The following DPF3 variants were observed in gnomAD, a reference collection of about 807,000 sequenced individuals.
The protein encoded by DPF3 is zinc finger protein DPF3.
DPF3 carries 18 observed loss-of-function variants against 56.8 expected under a neutral mutation model. The ratio of observed to expected loss-of-function variants is 0.32; its 90% CI spans 0.22 to 0.47. DPF3 has a LOEUF of 0.47. Ranked by LOEUF, DPF3 falls within the 20% of genes least tolerant of loss-of-function variation. DPF3 has a pLI of 1.00. For missense variants in DPF3, 403 were observed against 488.8 expected (o/e 0.82, Z 1.65); for synonymous variants, 188 against 180.2 (o/e 1.04, Z -0.35).
At chr14:72,713,363 T>C (rs1045411836) in intron 6 of DPF3, among the ~76,000 whole-genome samples, 1 of 152,032 alleles carries the variant, frequency 6.6e-6, no homozygotes, top group Non-Finnish European at 1.5e-5. Context: ...AAGAGGCCAG[T>C]GAAGGGGGAG....
rs1032362865 is a variant in DPF3, at chr14:72,615,687, G to C, written c.*3610C>G. On this transcript the variant is annotated 3_prime_UTR_variant, in exon 11 of 11. Coordinates refer to ENST00000556509, the MANE Select transcript of DPF3 (RefSeq NM_001280542.3). ...GGCTTCCGGCTTCCTACCTCGCCCT[G>C]GGGCAGGGACAGGAGCAGGGGAGCC... Among the ~76,000 whole-genome samples, 1 of 152,236 alleles carries C rather than the reference G, an allele frequency of 6.6e-6. No individual in the cohort carries two copies. The highest frequency in any genetic ancestry group is 2.4e-5 in the African/African-American group (1 of 41,466).
chr14:72,831,230 G>A (rs1277464987), intron 1 of DPF3, among the ~76,000 whole-genome samples: 1 of 152,040 alleles, frequency 6.6e-6, no homozygotes, highest in Non-Finnish European at 1.5e-5. Flanking sequence ...GGGATTCCGA[G>A]CCTCTCTGTC....
intron 6 of DPF3, among the ~76,000 whole-genome samples, chr14:72,703,182 G>A (rs902775987): frequency 3.3e-5 from 5 of 152,126 alleles, no homozygotes; most frequent in Admixed American, 2.0e-4. Context: ...CACCCTGCAC[G>A]ATTGGCAGCT....
intron 6 of DPF3, among the ~76,000 whole-genome samples, chr14:72,699,517 CAAAAAAAAA>C (rs35540991): frequency 1.6e-4 from 10 of 61,590 alleles, no homozygotes; most frequent in Non-Finnish European, 2.8e-4. Flanking sequence ...GATTCTGTCT[CAAAAAAAAA>C]AAAAAAAAAA....
In DPF3 at chr14:72,629,612, C is replaced by T; in HGVS notation, c.984+12G>A. ...GGATTTCTCCCTCCCACAGGGAAAG[C>T]CCCAAACTCACATCATTCTCTGAGG... On this transcript the variant is annotated intron_variant, in intron 9 of 10. Transcript: ENST00000556509. The T allele has an allele frequency of 6.5e-7, 1 of 1,533,084 alleles. No individual in the cohort carries two copies. The highest frequency in any genetic ancestry group is 8.7e-7 in the Non-Finnish European group (1 of 1,144,176). The allele number at this position is 1,533,084 out of a possible 1,614,324, so 95.0% of individuals were successfully genotyped here.
At chr14:72,747,483 G>A (rs528344094) in intron 3 of DPF3, among the ~76,000 whole-genome samples, 1 of 152,076 alleles carries the variant, frequency 6.6e-6, no homozygotes, top group Non-Finnish European at 1.5e-5. Flanking sequence ...GGAGAAGAGA[G>A]TGTTAAAGGT....
At chr14:72,851,431 A>G (rs752083108) in intron 1 of DPF3, among the ~76,000 whole-genome samples, 3 of 152,192 alleles carry the variant, frequency 2.0e-5, no homozygotes, top group Non-Finnish European at 4.4e-5. Context: ...TCCAGTAAGT[A>G]GGTTGCCGTT....
chr14:72,821,049 G>A (rs796355268), intron 1 of DPF3, among the ~76,000 whole-genome samples: 8 of 150,966 alleles, frequency 5.3e-5, no homozygotes, highest in South Asian at 2.1e-4. Flanking sequence ...CATGAAAATC[G>A]CTTGAACCTG....
intron 1 of DPF3, among the ~76,000 whole-genome samples, chr14:72,838,905 A>AT (rs1409942522): frequency 1.6e-5 from 1 of 64,474 alleles, no homozygotes. Flanking sequence ...TATCATATAT[A>AT]TTCTTTTTTT....
chr14:72,700,819 C>T (rs1177072255), intron 6 of DPF3, among the ~76,000 whole-genome samples: 5 of 152,182 alleles, frequency 3.3e-5, no homozygotes, highest in Admixed American at 6.5e-5. Context: ...CTGCTCCCCG[C>T]GGTGAGACCC....
intron 3 of DPF3, among the ~76,000 whole-genome samples, chr14:72,745,120 G>A (rs1363221329): frequency 6.6e-6 from 1 of 152,096 alleles, no homozygotes; most frequent in Non-Finnish European, 1.5e-5. Flanking sequence ...ATGGGTGGGT[G>A]GGTTGGTTGG....
intron 8 of DPF3, among the ~76,000 whole-genome samples, chr14:72,647,594 C>T (rs2153568255): frequency 6.6e-6 from 1 of 152,270 alleles, no homozygotes; most frequent in African/African-American, 2.4e-5. Context: ...ATTTGTAGGA[C>T]TGATTCAACT....
chr14:72,769,678 C>CAAAAAAAAAAAAAAAAAAAAAAAAAAAA lies in DPF3; in HGVS notation c.193+2054_193+2055insTTTTTTTTTTTTTTTTTTTTTTTTTTTT, dbSNP rs59586674. Among the ~76,000 whole-genome samples the CAAAAAAAAAAAAAAAAAAAAAAAAAAAA allele has an allele frequency of 4.7e-5, 2 of 42,768 alleles. 1 individual carries two copies. Among genetic ancestry groups the CAAAAAAAAAAAAAAAAAAAAAAAAAAAA allele is most frequent in the African/African-American group, 1.5e-4 (2 of 12,996 alleles). The allele number at this position is 42,768 out of a possible 152,430, so 28.1% of individuals were successfully genotyped here. On this transcript the variant is annotated intron_variant, in intron 2 of 10. Transcript: ENST00000556509. ...CTGGCTACTGAGTGAGACTCCATCT[C>CAAAAAAAAAAAAAAAAAAAAAAAAAAAA]AAAAAAAAAAAAAAAAAAAAACACA...
intron 3 of DPF3, among the ~76,000 whole-genome samples, chr14:72,749,882 GAA>G (rs1890493857): frequency 6.7e-6 from 1 of 150,350 alleles, no homozygotes; most frequent in Admixed American, 6.6e-5. Flanking sequence ...AAAAAAGTAA[GAA>G]AGAGAGAGAG....
chr14:72,863,123 TG>T, intron 1 of DPF3, among the ~76,000 whole-genome samples: 1 of 81,858 alleles, frequency 1.2e-5, no homozygotes, highest in African/African-American at 7.1e-5. Context: ...CATATATGTG[TG>T]TGTGTGTGTG....
At chr14:72,834,858 T>C (rs1884223882) in intron 1 of DPF3, among the ~76,000 whole-genome samples, 1 of 152,238 alleles carries the variant, frequency 6.6e-6, no homozygotes, top group Non-Finnish European at 1.5e-5. Flanking sequence ...GGGACTATTA[T>C]TCAGCCATAA....
At chr14:72,797,587 C>T (rs765108989) in intron 1 of DPF3, among the ~76,000 whole-genome samples, 3 of 152,142 alleles carry the variant, frequency 2.0e-5, no homozygotes, top group East Asian at 1.9e-4. Context: ...CATGTAAGAT[C>T]GCATAATTCT....
chr14:72,624,651 C>T (rs1884709986), intron 9 of DPF3, among the ~76,000 whole-genome samples: 1 of 152,178 alleles, frequency 6.6e-6, no homozygotes, highest in African/African-American at 2.4e-5. Flanking sequence ...CAACCTATGT[C>T]TCTTTACCAG....
chr14:72,697,051 T>C (rs1241519496), intron 6 of DPF3, among the ~76,000 whole-genome samples: 1 of 103,204 alleles, frequency 9.7e-6, no homozygotes, highest in Non-Finnish European at 2.2e-5. Flanking sequence ...CTTGAGACCT[T>C]TGTTCAGTTA....
Sources: allele counts gnomAD v4.1 joint callset (sites outside exome capture counted in the v4.1 genomes callset), GRCh38; gene constraint gnomAD v4.1.1; transcripts MANE v1.5; gene names NCBI Gene and HGNC (gene_info 2026-07-23, HGNC 2026-07-21).